The following NAA38 variants were observed in gnomAD, a reference collection of about 807,000 sequenced individuals.
NAA38 encodes LSM domain containing 1.
NAA38 carries 15 observed loss-of-function variants against 12.6 expected under a neutral mutation model. The observed-to-expected ratio is 1.19, with a 90% confidence interval of 0.79 to 1.83. The LOEUF (loss-of-function observed/expected upper bound fraction) is 1.83. NAA38 is among the 40% of genes most tolerant of loss of function. NAA38 has a pLI of 0.00. For synonymous variants in NAA38, 88 were observed against 69.9 expected (o/e 1.26, Z -1.29); for missense variants, 183 against 171.7 (o/e 1.07, Z -0.37).
At chr17:7,884,066 C>CT (rs966443929) in intron 1 of NAA38, among the ~76,000 whole-genome samples, 1 of 98,530 alleles carries the variant, frequency 1.0e-5, no homozygotes, top group Non-Finnish European at 2.1e-5. Flanking sequence ...CCTTCATGCC[C>CT]CCCCAACACA....
intron 1 of NAA38, 24 bp downstream of exon 1, chr17:7,857,359 C>T: frequency 1.2e-6 from 2 of 1,613,096 alleles, no homozygotes; most frequent in Non-Finnish European, 1.7e-6. Context: ...GCCCCTCAGT[C>T]CCAGAACCAG....
intron 3 of NAA38, chr17:7,863,548 T>C (rs1966909959): frequency 6.6e-6 from 1 of 152,130 alleles, no homozygotes; most frequent in Non-Finnish European, 1.5e-5. Flanking sequence ...TAAATGAACA[T>C]AGTACATGAT....
chr17:7,857,079 G>A lies in NAA38; in HGVS notation c.201C>T (p.Phe67=), dbSNP rs4724. 220,693 of 1,613,436 alleles carry A rather than the reference G, an allele frequency of 0.14. 18,453 individuals are homozygous for A. Among genetic ancestry groups the A allele is most frequent in the African/African-American group, 0.29 (21,657 of 75,022 alleles). ...MTDGRTLVGC[F]LCTDRDCNVI... is the part of the protein sequence containing the mutation. ...CATTGCAGTCACGGTCAGTGCAGAG[G>A]AAGCAGCCGACCAGTGTCCGTCCAT... The change falls in exon 2 of 3, where the codon TTC becomes TTT. Residue 67 remains phenylalanine (F), a synonymous_variant. Coordinates refer to ENST00000575771, the MANE Select transcript of NAA38 (RefSeq NM_001320925.4).
chr17:7,865,303 T>TA (rs1966944538), intron 3 of NAA38: 1 of 152,184 alleles, frequency 6.6e-6, no homozygotes, highest in Non-Finnish European at 1.5e-5. Flanking sequence ...GTCATACAAC[T>TA]AATGAGTACC....
At chr17:7,858,379 A>G (rs1409360949), upstream of NAA38, 1 of 1,614,020 alleles carries the variant, frequency 6.2e-7, no homozygotes, top group East Asian at 2.2e-5. Flanking sequence ...TGGCATTGAC[A>G]GTGGCTGTGC....
At chr17:7,859,909 A>G (rs187006286), upstream of NAA38, 97 of 392,974 alleles carry the variant, frequency 2.5e-4, 1 homozygote, top group African/African-American at 1.6e-3. Flanking sequence ...GATAGTTAAG[A>G]GAGAGTAGTT....
chr17:7,858,076 G>C, upstream of NAA38: 1 of 1,603,162 alleles, frequency 6.2e-7, no homozygotes, highest in Non-Finnish European at 8.5e-7. Flanking sequence ...GTAGTAGTGA[G>C]TACGTGCTGA....
chr17:7,859,321 G>C, upstream of NAA38: 5 of 1,371,226 alleles, frequency 3.6e-6, no homozygotes, highest in Non-Finnish European at 5.1e-6. Context: ...TTTGATCCCA[G>C]CGTGTGTATA....
upstream of NAA38, chr17:7,861,537 G>A (rs1324971218): frequency 6.6e-6 from 1 of 152,208 alleles, no homozygotes; most frequent in Admixed American, 6.5e-5. Context: ...GGCCTGTCCT[G>A]TGCCTACAGG....
intron 1 of NAA38, chr17:7,883,485 G>A (rs998399019): frequency 1.3e-5 from 2 of 152,120 alleles, no homozygotes; most frequent in African/African-American, 4.8e-5. Context: ...GAAAGCGAGG[G>A]AAAGGGGAAA....
chr17:7,875,009 G>A (rs921402782), intron 2 of NAA38, among the ~76,000 whole-genome samples: 3 of 151,390 alleles, frequency 2.0e-5, no homozygotes, highest in African/African-American at 4.9e-5. Context: ...CAATTTGAAC[G>A]ACACAGCGAG....
rs929647016 is a variant in NAA38, at chr17:7,857,534, C to G, written c.-71G>C. On this transcript the variant is annotated 5_prime_UTR_variant, in exon 1 of 3. Transcript: ENST00000575771. ...TCAGGTTGGGTGGTCCGAGATCTCG[C>G]GAGCGCTCCCGACCTCTTTCCTTTC... The G allele has an allele frequency of 1.4e-6, 2 of 1,459,066 alleles. No homozygotes were observed. Among genetic ancestry groups the G allele is most frequent in the Non-Finnish European group, 1.8e-6 (2 of 1,108,832 alleles). The allele number at this position is 1,459,066 out of a possible 1,614,324, so 90.4% of individuals were successfully genotyped here.
intron 2 of NAA38, among the ~76,000 whole-genome samples, chr17:7,867,579 G>A (rs960251761): frequency 6.6e-6 from 1 of 152,154 alleles, no homozygotes; most frequent in Non-Finnish European, 1.5e-5. Context: ...CAATCCACCC[G>A]TGTGGGCCTC....
chr17:7,879,428 T>C (rs1967231074), intron 2 of NAA38, among the ~76,000 whole-genome samples: 1 of 152,052 alleles, frequency 6.6e-6, no homozygotes, highest in Non-Finnish European at 1.5e-5. Context: ...TGAAAACATA[T>C]GTGACATTTT....
intron 2 of NAA38, among the ~76,000 whole-genome samples, chr17:7,870,251 G>T (rs1967063318): frequency 6.6e-6 from 1 of 152,100 alleles, no homozygotes; most frequent in African/African-American, 2.4e-5. Flanking sequence ...GACAGAGGAA[G>T]ACTCTGTCTT....
At chr17:7,858,913 A>T, upstream of NAA38, 1 of 1,209,326 alleles carries the variant, frequency 8.3e-7, no homozygotes, top group Non-Finnish European at 1.1e-6. Context: ...TTTTTTCCAT[A>T]ACCGGTGGGA....
Position 7,857,051 on chromosome 17 carries a change from T to C in NAA38, c.229A>G (p.Ile77Val). Reference sequence around the variant, plus strand: ...AGGAACTCCTGCGCCGAGCCCAGGATGACATTGCAGTCACGGTCAGTGCAG... The same window carrying C: ...AGGAACTCCTGCGCCGAGCCCAGGACGACATTGCAGTCACGGTCAGTGCAG... ...FLCTDRDCNV[I>V]LGSAQEFLKP... The change falls in exon 2 of 3, where the codon ATC (isoleucine) becomes GTC (valine). Residue 77 changes from isoleucine (I) to valine (V), a missense_variant. Transcript: ENST00000575771. The C allele has an allele frequency of 6.2e-7, 1 of 1,612,688 alleles. No individual in the cohort carries two copies. The highest frequency in any genetic ancestry group is 8.5e-7 in the Non-Finnish European group (1 of 1,179,340).
chr17:7,885,004 C>T (rs923837635), intron 1 of NAA38: 89 of 1,233,180 alleles, frequency 7.2e-5, no homozygotes, highest in Non-Finnish European at 8.3e-5. Flanking sequence ...ACCGCCACAG[C>T]CCCCCCGGCT....
chr17:7,866,604 T>C, intron 2 of NAA38: 1 of 939,556 alleles, frequency 1.1e-6, no homozygotes, highest in Non-Finnish European at 1.4e-6. Flanking sequence ...CTACATGCTG[T>C]TCCTCTGTGT....
Sources: gnomAD v4.1 joint callset for allele counts (sites outside exome capture counted in the v4.1 genomes callset) on GRCh38, gnomAD v4.1.1 for gene constraint, MANE v1.5 for transcripts, NCBI Gene and HGNC (gene_info 2026-07-23, HGNC 2026-07-21) for gene names.